ARPP21: variants seen among roughly 807,000 people sequenced by gnomAD.
ARPP21 encodes the protein cAMP-regulated phosphoprotein 21.
In ARPP21, 69 loss-of-function variants were observed where a neutral mutation model predicts 113.2. The ratio of observed to expected loss-of-function variants is 0.61; its 90% CI spans 0.50 to 0.74. The LOEUF (loss-of-function observed/expected upper bound fraction) is 0.74, where lower values mean the gene tolerates loss of function less well. Among genes scored for constraint, ARPP21 ranks in the 30% least tolerant of loss-of-function variants. ARPP21 has a pLI of 0.00. For missense variants in ARPP21, 1,070 were observed against 1,037.4 expected (o/e 1.03, Z -0.43); for synonymous variants, 368 against 375.5 (o/e 0.98, Z 0.23).
rs999814793 is a variant in ARPP21, at chr3:35,747,105, C to T, written c.2137+3140C>T. On this transcript the variant is annotated intron_variant, in intron 19 of 20. Coordinates refer to ENST00000684406, the MANE Select transcript of ARPP21 (RefSeq NM_001385562.1). ...GTGGCTCACACCTATAATCCCAGCA[C>T]TTTGGGAGGTGGAGGCAGGTGGATC... is the stretch of plus-strand genomic sequence containing the variant. 3.9e-5 allele frequency among the ~76,000 whole-genome samples: 6 copies of T among 152,200 alleles called. No individual in the cohort carries two copies. In the East Asian group the frequency reaches 1.2e-3, roughly 29 times the overall value.
At chr3:35,648,124 A>G (rs889215381) in intron 1 of ARPP21, among the ~76,000 whole-genome samples, 29 of 152,174 alleles carry the variant, frequency 1.9e-4, no homozygotes, top group African/African-American at 6.5e-4. Flanking sequence ...TTTCTGTGCT[A>G]TGAAATATTG....
At chr3:35,765,294 G>T (rs764532529) in intron 19 of ARPP21, among the ~76,000 whole-genome samples, 1 of 151,766 alleles carries the variant, frequency 6.6e-6, no homozygotes, top group Non-Finnish European at 1.5e-5. Flanking sequence ...TTTCTTCTTC[G>T]GTAATTTGTG....
At chr3:35,759,676 C>CTGTGTGTGTG (rs57456659) in intron 19 of ARPP21, among the ~76,000 whole-genome samples, 1,798 of 140,866 alleles carry the variant, frequency 0.013, 14 homozygotes, top group Non-Finnish European at 0.019. Context: ...TTTTCTCTCT[C>CTGTGTGTGTG]TGTGTGTGTG....
intron 1 of ARPP21, among the ~76,000 whole-genome samples, chr3:35,671,620 T>C (rs1039702827): frequency 6.6e-6 from 1 of 152,072 alleles, no homozygotes; most frequent in Non-Finnish European, 1.5e-5. Flanking sequence ...GATGAGAATA[T>C]ATTATCTTCC....
intron 19 of ARPP21, among the ~76,000 whole-genome samples, chr3:35,776,833 A>G (rs897900222): frequency 2.4e-4 from 37 of 152,036 alleles, no homozygotes; most frequent in Non-Finnish European, 4.4e-4. Flanking sequence ...TCTGGGCCCA[A>G]GTGCCTTTCT....
At chr3:35,742,006 GA>G (rs71082211) in intron 18 of ARPP21, among the ~76,000 whole-genome samples, 15,163 of 151,750 alleles carry the variant, frequency 0.1, 794 homozygotes, top group Non-Finnish European at 0.12. Flanking sequence ...CTGGGGAAAA[GA>G]AAAAAAACAA....
At chr3:35,682,010 C>G in intron 3 of ARPP21, 130 bp downstream of exon 3, 2 of 1,124,608 alleles carry the variant, frequency 1.8e-6, no homozygotes, top group Non-Finnish European at 1.2e-6. Context: ...ATGCTAGTCT[C>G]CTACTTTTTC....
rs2092525954 is a variant in ARPP21, at chr3:35,717,191, T to C, written c.936-107T>C. 17 of 622,766 alleles carry C rather than the reference T, an allele frequency of 2.7e-5. No individual in the cohort carries two copies. The South Asian group carries it at 3.9e-4, about 14-fold the overall frequency. The allele number at this position is 622,766 out of a possible 1,614,324, so 38.6% of individuals were successfully genotyped here. A position where few individuals can be genotyped will look rare whatever the true frequency, so the allele number is the denominator to read the frequency against. On this transcript the variant is annotated intron_variant, in intron 12 of 20. Coordinates refer to ENST00000684406, the MANE Select transcript of ARPP21 (RefSeq NM_001385562.1). ...AAATTCAACATCATATAAATAAAAC[T>C]TTGTATGGGATTGATTTGTGCTGTA...
intron 1 of ARPP21, among the ~76,000 whole-genome samples, chr3:35,654,582 C>G (rs992011249): frequency 4.6e-5 from 7 of 151,954 alleles, no homozygotes; most frequent in African/African-American, 1.7e-4. Flanking sequence ...ATTGTTTGTC[C>G]TCAATTTGTT....
intron 9 of ARPP21, among the ~76,000 whole-genome samples, chr3:35,704,271 ATATT>A (rs2087763934): frequency 6.6e-6 from 1 of 151,852 alleles, no homozygotes; most frequent in Non-Finnish European, 1.5e-5. Flanking sequence ...GCTCTAAACA[ATATT>A]TATATTATTA....
chr3:35,701,970 A>G (rs188684344), intron 9 of ARPP21, among the ~76,000 whole-genome samples: 10 of 151,884 alleles, frequency 6.6e-5, no homozygotes, highest in African/African-American at 2.4e-4. Context: ...TATGTTAAAT[A>G]TCTATTATCC....
chr3:35,733,026 CTT>C (rs906529605), intron 15 of ARPP21, among the ~76,000 whole-genome samples: 5 of 152,108 alleles, frequency 3.3e-5, no homozygotes, highest in African/African-American at 1.2e-4. Flanking sequence ...AAGAAAATCT[CTT>C]TCTCTCACCC....
chr3:35,729,870 C>T (rs1340061091), intron 15 of ARPP21, among the ~76,000 whole-genome samples: 1 of 152,106 alleles, frequency 6.6e-6, no homozygotes, highest in East Asian at 1.9e-4. Flanking sequence ...TTGGGATATA[C>T]TAATTAAAAC....
chr3:35,792,375 T>C lies in ARPP21; in HGVS notation c.2138-7T>C. The C allele has an allele frequency of 6.2e-7, 1 of 1,613,792 alleles. No homozygotes were observed. Among genetic ancestry groups the C allele is most frequent in the Non-Finnish European group, 8.5e-7 (1 of 1,179,728 alleles). ...CAACCAGTTCAAAAGATCTCTTTTC[T>C]TCGCAGGTTACCAGCCAGTCTTGTC... On this transcript the variant is annotated splice_polypyrimidine_tract_variant and splice_region_variant and intron_variant, in intron 19 of 20. Transcript: ENST00000684406.
intron 1 of ARPP21, among the ~76,000 whole-genome samples, chr3:35,674,534 T>G (rs1402804257): frequency 6.6e-6 from 1 of 151,884 alleles, no homozygotes; most frequent in East Asian, 1.9e-4. Flanking sequence ...TTATGATGCC[T>G]ACCTACAAAA....
intron 11 of ARPP21, among the ~76,000 whole-genome samples, chr3:35,712,122 A>G (rs2091314498): frequency 6.6e-6 from 1 of 152,202 alleles, no homozygotes; most frequent in South Asian, 2.1e-4. Context: ...AATGATCATT[A>G]CTAGTGCCCA....
At position 35,667,891 on chromosome 3, in the gene ARPP21, G is replaced by GAAGAAGAAGAAGAAGAAGAA. The variant is rs1262199513; in HGVS notation, c.-212-11896_-212-11895insAAGAAGAAGAAGAAGAAGAA. Among the ~76,000 whole-genome samples, 124 of 71,286 alleles carry GAAGAAGAAGAAGAAGAAGAA rather than the reference G, an allele frequency of 1.7e-3. 1 individual carries two copies. The highest frequency in any genetic ancestry group is 3.5e-3 in the South Asian group (7 of 2,028). The allele number at this position is 71,286 out of a possible 152,430, so 46.8% of individuals were successfully genotyped here. On this transcript the variant is annotated intron_variant, in intron 1 of 20. Coordinates refer to ENST00000684406, the MANE Select transcript of ARPP21 (RefSeq NM_001385562.1). Reference sequence around the variant, plus strand: ...AAGAAGAAGAAGAAGAAGAAGAAGAGGAAGAGGAAGAGGAAGAGGAAGGAG... The same window carrying GAAGAAGAAGAAGAAGAAGAA: ...AAGAAGAAGAAGAAGAAGAAGAAGAGAAGAAGAAGAAGAAGAAGAAGAAGAGGAAGAGGAAGAGGAAGGAG...
chr3:35,728,376 G>A (rs1227389814), intron 14 of ARPP21, among the ~76,000 whole-genome samples: 5 of 151,334 alleles, frequency 3.3e-5, no homozygotes, highest in African/African-American at 7.3e-5. Context: ...GTGCCACCAC[G>A]CCCAGCTAAT....
At chr3:35,667,891 G>GAACAA (rs1262199513) in intron 1 of ARPP21, among the ~76,000 whole-genome samples, 1 of 71,324 alleles carries the variant, frequency 1.4e-5, no homozygotes, top group Non-Finnish European at 2.6e-5. Context: ...AAGAAGAAGA[G>GAACAA]GAAGAGGAAG....
Sources: gnomAD v4.1 joint callset for allele counts (sites outside exome capture counted in the v4.1 genomes callset) on GRCh38, gnomAD v4.1.1 for gene constraint, MANE v1.5 for transcripts, NCBI Gene and HGNC (gene_info 2026-07-23, HGNC 2026-07-21) for gene names.